The following ATP2B2 variants were observed in gnomAD, a reference collection of about 807,000 sequenced individuals.
ATP2B2 encodes ATPase plasma membrane Ca2+ transporting 2.
Under a neutral mutation model 120.0 loss-of-function variants are expected in ATP2B2, and 15 were observed. That is an observed-to-expected ratio of 0.12 (90% CI 0.08 to 0.19). The LOEUF is 0.19. Among genes scored for constraint, ATP2B2 ranks in the 10% least tolerant of loss-of-function variants. ATP2B2 has a pLI of 1.00. For missense variants in ATP2B2, 1,045 were observed against 1,719.8 expected (o/e 0.61, Z 6.94); for synonymous variants, 694 against 700.3 (o/e 0.99, Z 0.14).
rs145868764 is a variant in ATP2B2 at position 10,366,588 on chromosome 3, T to G, written c.1659+5221A>C. Among the ~76,000 whole-genome samples, 102 of 152,286 alleles carry G rather than the reference T, an allele frequency of 6.7e-4. 1 individual carries two copies. Among genetic ancestry groups the G allele is most frequent in the African/African-American group, 2.4e-3 (100 of 41,556 alleles). ...TTAATAGTTCAAATGTCAACTGCAG[T>G]ATCAACCTCCTCTAAAAGAGGTCTA... is the stretch of plus-strand genomic sequence containing the variant. On this transcript the variant is annotated intron_variant, in intron 12 of 22. Transcript: ENST00000360273.
At chr3:10,682,556 T>C (rs951609838) in intron 1 of ATP2B2, among the ~76,000 whole-genome samples, 6 of 152,318 alleles carry the variant, frequency 3.9e-5, no homozygotes, top group East Asian at 1.9e-4. Flanking sequence ...ACAAAGTGCA[T>C]GGGAAATGCT....
chr3:10,648,610 C>T (rs1005943122), intron 1 of ATP2B2, among the ~76,000 whole-genome samples: 3 of 152,190 alleles, frequency 2.0e-5, no homozygotes, highest in Admixed American at 6.5e-5. Context: ...TGACCCAAGC[C>T]GACCTCAGGA....
intron 12 of ATP2B2, among the ~76,000 whole-genome samples, chr3:10,367,346 C>T (rs2061092926): frequency 1.3e-5 from 2 of 151,832 alleles, no homozygotes; most frequent in African/African-American, 4.8e-5. Flanking sequence ...GAGCAGCGAC[C>T]CTGGTAGGTT....
chr3:10,622,913 G>A (rs1267871236), intron 1 of ATP2B2, among the ~76,000 whole-genome samples: 1 of 152,172 alleles, frequency 6.6e-6, no homozygotes, highest in African/African-American at 2.4e-5. Context: ...ATGTTCTTGA[G>A]CAAGTCACTT....
intron 2 of ATP2B2, among the ~76,000 whole-genome samples, chr3:10,617,208 G>A (rs2069413803): frequency 6.6e-6 from 1 of 152,160 alleles, no homozygotes; most frequent in Non-Finnish European, 1.5e-5. Flanking sequence ...TGTCCTAGAA[G>A]TGAAATTACT....
chr3:10,479,293 G>T (rs781023842), intron 1 of ATP2B2, among the ~76,000 whole-genome samples: 1 of 151,534 alleles, frequency 6.6e-6, no homozygotes, highest in Non-Finnish European at 1.5e-5. Flanking sequence ...TGCTCCTTCA[G>T]CCCCCAAGAA....
chr3:10,461,702 G>A (rs2064497914), intron 1 of ATP2B2, among the ~76,000 whole-genome samples: 1 of 152,174 alleles, frequency 6.6e-6, no homozygotes, highest in Admixed American at 6.5e-5. Flanking sequence ...CGTGCTTTGG[G>A]GCTCCTGTTC....
chr3:10,450,100 G>A (rs2063981906), intron 1 of ATP2B2, among the ~76,000 whole-genome samples: 1 of 152,098 alleles, frequency 6.6e-6, no homozygotes, highest in Admixed American at 6.5e-5. Flanking sequence ...CTATTTGTGT[G>A]TTGTGCTGTG....
Position 10,329,246 on chromosome 3 carries a change from C to T in ATP2B2, c.3421-121G>A, listed in dbSNP as rs553520922. ...AAAGCAGGTGGCTGGAATCCATAGT[C>T]GCTGGGTGTTATTAGCATTGACAGG... On this transcript the variant is annotated intron_variant, in intron 22 of 22. Transcript: ENST00000360273. The surrounding 1 kb of genome is among the most constrained non-coding windows in gnomAD (Gnocchi z 5.9). 5.1e-5 allele frequency: 50 copies of T among 984,916 alleles called. No individual in the cohort carries two copies. The highest frequency in any genetic ancestry group is 4.2e-4 in the South Asian group (32 of 76,326). The allele number at this position is 984,916 out of a possible 1,614,324, so 61.0% of individuals were successfully genotyped here.
In ATP2B2 at chr3:10,696,828, G is replaced by A. The variant is rs529066134; in HGVS notation, c.-460+11087C>T. Reference sequence around the variant, plus strand: ...TGAAGTCAAGGTGAAATGTGGAGGTGGTAACCAAGATAGAATAGAAGCCCA... The same window carrying A: ...TGAAGTCAAGGTGAAATGTGGAGGTAGTAACCAAGATAGAATAGAAGCCCA... On this transcript the variant is annotated intron_variant, in intron 1 of 21. Coordinates refer to the ATP2B2 transcript ENST00000646379. 9.2e-5 allele frequency among the ~76,000 whole-genome samples: 14 copies of A among 152,306 alleles called. No individual in the cohort carries two copies. In the South Asian group the frequency reaches 2.7e-3, roughly 29 times the overall value.
At chr3:10,387,710 C>T (rs2075314) in intron 6 of ATP2B2, among the ~76,000 whole-genome samples, 25,568 of 152,070 alleles carry the variant, frequency 0.17, 2,699 homozygotes, top group East Asian at 0.3. Flanking sequence ...AATAAGGAAT[C>T]TTATTTTCAA....
intron 12 of ATP2B2, among the ~76,000 whole-genome samples, chr3:10,364,887 C>G (rs945790793): frequency 3.3e-5 from 5 of 152,172 alleles, no homozygotes; most frequent in African/African-American, 1.2e-4. Context: ...TAAGGACAGG[C>G]ATCAGCAATG....
Position 10,342,863 on chromosome 3 carries a change from G to C in ATP2B2, c.2806C>G (p.Leu936Val). Residue 936 changes from leucine (L) to valine (V), a missense_variant, in exon 19 of 23, where the codon CTG (leucine) becomes GTG (valine). Physicochemically the swap from Leu to Val is conservative, Grantham distance 32. Around this residue, in one of 11 missense-constraint regions of ATP2B2, gnomAD observed 98 missense variants for 266.7 expected, o/e 0.37. Coordinates refer to ENST00000360273, the MANE Select transcript of ATP2B2 (RefSeq NM_001001331.4). The surrounding 1 kb of genome is among the most constrained non-coding windows in gnomAD (Gnocchi z 4.4). ...ATEPPTETLL[L>V]RKPYGRNKPL... Reference sequence around the variant, plus strand: ...TTGTTGCGGCCGTACGGCTTCCTCAGCAGCAGGGTCTCCGTGGGCGGCTCA... The same window carrying C: ...TTGTTGCGGCCGTACGGCTTCCTCACCAGCAGGGTCTCCGTGGGCGGCTCA... 6.2e-7 allele frequency: 1 copy of C among 1,614,164 alleles called. No homozygotes were observed. The highest frequency in any genetic ancestry group is 1.1e-5 in the South Asian group (1 of 91,076).
intron 1 of ATP2B2, among the ~76,000 whole-genome samples, chr3:10,690,601 T>A (rs1223424445): frequency 6.6e-6 from 1 of 152,184 alleles, no homozygotes; most frequent in Non-Finnish European, 1.5e-5. Flanking sequence ...TTCCTTTTGA[T>A]GATTAAACGG....
chr3:10,421,916 A>G (rs1048079014), intron 2 of ATP2B2, among the ~76,000 whole-genome samples: 2 of 152,198 alleles, frequency 1.3e-5, no homozygotes, highest in African/African-American at 4.8e-5. Flanking sequence ...GGCTTCCTTG[A>G]TTTATTCAGC....
At chr3:10,525,587 G>A (rs2067075126) in intron 3 of ATP2B2, among the ~76,000 whole-genome samples, 1 of 151,500 alleles carries the variant, frequency 6.6e-6, no homozygotes, top group Non-Finnish European at 1.5e-5. Context: ...CCTCTTCCAG[G>A]TCCCCATCTA....
At chr3:10,495,249 A>C (rs971354217) in intron 1 of ATP2B2, among the ~76,000 whole-genome samples, 1 of 151,944 alleles carries the variant, frequency 6.6e-6, no homozygotes, top group African/African-American at 2.4e-5. Flanking sequence ...TTTTTCCTGG[A>C]GGGTTGGGGG....
At chr3:10,400,811 G>A (rs1225171702) in intron 5 of ATP2B2, 142 bp downstream of exon 5, 3 of 1,288,618 alleles carry the variant, frequency 2.3e-6, no homozygotes, top group Non-Finnish European at 2.2e-6. Flanking sequence ...AAGGAAGGGA[G>A]TTCTCACTTG....
At chr3:10,591,746 A>G (rs956570954) in intron 2 of ATP2B2, among the ~76,000 whole-genome samples, 2 of 152,252 alleles carry the variant, frequency 1.3e-5, no homozygotes, top group Admixed American at 6.5e-5. Flanking sequence ...AAAGCACTTT[A>G]TAACACCAAA....
Sources: gnomAD v4.1 joint callset for allele counts (sites outside exome capture counted in the v4.1 genomes callset) on GRCh38, gnomAD v4.1.1 for gene constraint, gnomAD v4.1.1 regional missense constraint, Gnocchi (gnomAD v3.1) non-coding constraint, MANE v1.5 for transcripts, NCBI Gene and HGNC (gene_info 2026-07-23, HGNC 2026-07-21) for gene names.